Variants in UBE2V1 observed in about 807,000 individuals in gnomAD.
UBE2V1 encodes the protein ubiquitin-conjugating enzyme E2 variant 1.
UBE2V1 carries 15 observed loss-of-function variants against 19.6 expected under a neutral mutation model. The observed-to-expected ratio is 0.77, with a 90% CI of 0.51 to 1.18. The LOEUF is 1.18. Ranked by LOEUF, UBE2V1 falls within the 50% of genes most tolerant of loss-of-function variation. The probability of loss-of-function intolerance (pLI) is 0.00; values close to 1 mark genes in which losing one functional copy is unlikely to be tolerated. For missense variants in UBE2V1, 125 were observed against 184.8 expected, an observed-to-expected ratio of 0.68 and a Z score of 1.88; for synonymous variants, 60 against 60.7, an observed-to-expected ratio of 0.99 and a Z score of 0.05.
At chr20:50,096,639 C>T (rs757061970) in intron 2 of UBE2V1, 33 bp downstream of exon 2, 5 of 1,611,042 alleles carry the variant, frequency 3.1e-6, no homozygotes, top group Non-Finnish European at 1.7e-6. Context: ...GAATTTAAGA[C>T]ATTGACATTT....
chr20:50,091,192 G>A (rs1000816005), intron 2 of UBE2V1, among the ~76,000 whole-genome samples: 2 of 151,850 alleles, frequency 1.3e-5, no homozygotes, highest in African/African-American at 2.4e-5. Context: ...GACTACAGGC[G>A]TGCATCACTA....
At chr20:50,092,868 A>G (rs1273860278) in intron 2 of UBE2V1, among the ~76,000 whole-genome samples, 2 of 152,246 alleles carry the variant, frequency 1.3e-5, no homozygotes, top group Admixed American at 6.5e-5. Context: ...CTCCAGCCCT[A>G]GCCAGCCAGC....
At position 50,081,617 on chromosome 20, in the gene UBE2V1, C is replaced by T. The variant is rs535813598; in HGVS notation, c.*1151G>A. The T allele has an allele frequency of 6.2e-6, 1 of 160,208 alleles. No homozygotes were observed. 9.9% of individuals were successfully genotyped at this position (160,208 alleles called of 1,614,324 possible). On this transcript the variant is annotated 3_prime_UTR_variant, in exon 4 of 4. Transcript: ENST00000371674. ...CCAGTTGTCAGATTCCAAACTAGAC[C>T]CCAATGGATTGCAAGGATGACCAAA...
rs1014732138 is a variant in UBE2V1 at position 50,096,910 on chromosome 20, A to G, written c.23-90T>C. ...AGCTGCTCATTATCTCTCCCTGGGA[A>G]TCAAGATGCTAACATGCAAAAAAAT... On this transcript the variant is annotated intron_variant, in intron 1 of 3. Transcript: ENST00000371674. 3.9e-6 allele frequency: 6 copies of G among 1,557,258 alleles called. No individual in the cohort carries two copies. The Admixed American group carries it at 6.0e-5, about 16-fold the overall frequency.
chr20:50,083,412 C>T (rs1043519031), intron 3 of UBE2V1, among the ~76,000 whole-genome samples: 1 of 152,224 alleles, frequency 6.6e-6, no homozygotes, highest in Non-Finnish European at 1.5e-5. Flanking sequence ...ACAGGTTGAG[C>T]TCTGGGCTCA....
At chr20:50,108,160 T>C (rs1014049333) in intron 1 of UBE2V1, among the ~76,000 whole-genome samples, 7 of 152,198 alleles carry the variant, frequency 4.6e-5, no homozygotes, top group Non-Finnish European at 7.3e-5. Flanking sequence ...CTGTCTCCTG[T>C]ATAGAAAATG....
intron 1 of UBE2V1, among the ~76,000 whole-genome samples, chr20:50,101,725 C>A (rs1266936286): frequency 6.6e-6 from 1 of 152,074 alleles, no homozygotes; most frequent in Non-Finnish European, 1.5e-5. Flanking sequence ...TGATAGTTAT[C>A]CAATACCTAT....
chr20:50,112,600 G>T (rs2080831365), intron 1 of UBE2V1, among the ~76,000 whole-genome samples: 2 of 152,078 alleles, frequency 1.3e-5, no homozygotes, highest in South Asian at 4.1e-4. Flanking sequence ...CAACCGATAG[G>T]GGATCCTCTC....
upstream of UBE2V1, among the ~76,000 whole-genome samples, chr20:50,113,481 GTCTAGTTCCTATC>G (rs1255320475): frequency 7.2e-5 from 11 of 152,172 alleles, no homozygotes; most frequent in Non-Finnish European, 1.6e-4. Context: ...GCTTTTTCCT[GTCTAGTTCCTATC>G]TAGATCCTCA....
chr20:50,095,281 A>G (rs1314233441), intron 2 of UBE2V1: 2 of 152,250 alleles, frequency 1.3e-5, no homozygotes, highest in Non-Finnish European at 2.9e-5. Flanking sequence ...AGAAGATGTC[A>G]GCATATGATG....
chr20:50,113,035 G>A (rs1569029473), intron 1 of UBE2V1, 72 bp downstream of exon 1: 4 of 648,406 alleles, frequency 6.2e-6, no homozygotes, highest in Non-Finnish European at 9.1e-6. Flanking sequence ...GCTGCAGGAG[G>A]CTTTGAGGGT....
intron 1 of UBE2V1, among the ~76,000 whole-genome samples, chr20:50,098,071 C>T (rs75129054): frequency 1.3e-5 from 2 of 151,876 alleles, no homozygotes; most frequent in Non-Finnish European, 1.5e-5. Context: ...CCTGGTGTTC[C>T]GGAGGAGGGA....
In UBE2V1 at chr20:50,082,728, A is replaced by T. The variant is rs899700274; in HGVS notation, c.*40T>A. ...GGAAAATGAAGACTGATTAAATCGA[A>T]TTGGGGGGAAGGGGAAGGGCCTGTG... On this transcript the variant is annotated 3_prime_UTR_variant, in exon 4 of 4. Coordinates refer to ENST00000371674, the MANE Select transcript of UBE2V1 (RefSeq NM_001032288.3). 1.9e-6 allele frequency: 3 copies of T among 1,597,530 alleles called. No individual in the cohort carries two copies. Among genetic ancestry groups the T allele is most frequent in the Non-Finnish European group, 2.5e-6 (3 of 1,177,412 alleles).
intron 1 of UBE2V1, among the ~76,000 whole-genome samples, chr20:50,107,138 C>T (rs561861305): frequency 5.3e-4 from 80 of 152,294 alleles, no homozygotes; most frequent in Admixed American, 3.5e-3. Flanking sequence ...TCTAGTTAGC[C>T]TGCCCAGGAG....
chr20:50,108,895 C>T (rs2080562726), intron 1 of UBE2V1: 2 of 978,858 alleles, frequency 2.0e-6, no homozygotes, highest in African/African-American at 1.8e-5. Context: ...TAGCAGTAGA[C>T]ACTTCTTACT....
intron 2 of UBE2V1, among the ~76,000 whole-genome samples, chr20:50,089,638 C>A (rs147091411): frequency 1.3e-3 from 196 of 152,320 alleles, no homozygotes; most frequent in Non-Finnish European, 2.3e-3. Flanking sequence ...GCAGGCACCT[C>A]TCTGCACAGC....
At chr20:50,112,963 A>C (rs1268317770) in intron 1 of UBE2V1, 144 bp downstream of exon 1, 2 of 381,390 alleles carry the variant, frequency 5.2e-6, no homozygotes, top group Non-Finnish European at 9.1e-6. Context: ...TCCCCCGGTC[A>C]GGCCGCGCCG....
intron 2 of UBE2V1, among the ~76,000 whole-genome samples, chr20:50,090,826 C>A (rs1013521226): frequency 6.6e-6 from 1 of 152,150 alleles, no homozygotes; most frequent in Non-Finnish European, 1.5e-5. Flanking sequence ...GGTAGCTACA[C>A]GTGGTGATGG....
At chr20:50,107,470 G>A (rs1405561806) in intron 1 of UBE2V1, among the ~76,000 whole-genome samples, 1 of 152,208 alleles carries the variant, frequency 6.6e-6, no homozygotes, top group Non-Finnish European at 1.5e-5. Context: ...CCAAGCATCA[G>A]ATTTTCTTTG....
Sources: allele counts gnomAD v4.1 joint callset (sites outside exome capture counted in the v4.1 genomes callset), GRCh38; gene constraint gnomAD v4.1.1; transcripts MANE v1.5; gene names NCBI Gene and HGNC (gene_info 2026-07-23, HGNC 2026-07-21).